The following SEMA6D variants were observed in gnomAD, a reference collection of about 807,000 sequenced individuals.
The protein encoded by SEMA6D is semaphorin 6D, also known as semaphorin-6D.
Under a neutral mutation model 106.6 loss-of-function variants are expected in SEMA6D, and 35 were observed. The ratio of observed to expected loss-of-function variants is 0.33; its 90% CI spans 0.25 to 0.44. SEMA6D has a LOEUF of 0.44. Ranked by LOEUF, SEMA6D falls within the 20% of genes least tolerant of loss-of-function variation. The pLI, the probability that SEMA6D is intolerant of heterozygous loss-of-function variation, is 1.00. For synonymous variants in SEMA6D, 499 were observed against 487.7 expected, an observed-to-expected ratio of 1.02 and a Z score of -0.31; for missense variants, 1,185 against 1,345.9, an observed-to-expected ratio of 0.88 and a Z score of 1.87.
At chr15:47,430,735 A>G (rs1567074385) in intron 2 of SEMA6D, among the ~76,000 whole-genome samples, 1 of 152,102 alleles carries the variant, frequency 6.6e-6, no homozygotes, top group Non-Finnish European at 1.5e-5. Context: ...GTAATGTCTC[A>G]AAGTCCAGGC....
intron 1 of SEMA6D, among the ~76,000 whole-genome samples, chr15:47,324,980 T>C (rs2037069488): frequency 6.6e-6 from 1 of 152,116 alleles, no homozygotes; most frequent in African/African-American, 2.4e-5. Flanking sequence ...CATGTATATA[T>C]TGGTATTTGA....
intron 9 of SEMA6D, 113 bp downstream of exon 9, chr15:47,763,217 A>T: frequency 1.4e-6 from 1 of 701,978 alleles, no homozygotes; most frequent in Non-Finnish European, 2.3e-6. Flanking sequence ...AATTCAGTAT[A>T]CATAGGGCCA....
chr15:47,227,429 C>CTTTCTTTCTTTCT (rs1555407178), intron 1 of SEMA6D, among the ~76,000 whole-genome samples: 4 of 145,614 alleles, frequency 2.7e-5, no homozygotes, highest in Admixed American at 6.9e-5. Context: ...CTCTTTCTTT[C>CTTTCTTTCTTTCT]TTTCTTTCTT....
At chr15:47,489,604 C>T (rs573137226) in intron 3 of SEMA6D, among the ~76,000 whole-genome samples, 99 of 152,176 alleles carry the variant, frequency 6.5e-4, no homozygotes, top group African/African-American at 2.4e-3. Flanking sequence ...CCTACAGTAC[C>T]TCACTTTCCT....
At chr15:47,714,073 T>G (rs1326066954), upstream of SEMA6D, among the ~76,000 whole-genome samples, 3 of 152,216 alleles carry the variant, frequency 2.0e-5, no homozygotes, top group African/African-American at 7.2e-5. Context: ...TCATCCCTGT[T>G]TTCCAGATGA....
chr15:47,752,686 G>A (rs1240534982), intron 1 of SEMA6D, among the ~76,000 whole-genome samples: 2 of 152,168 alleles, frequency 1.3e-5, no homozygotes, highest in African/African-American at 2.4e-5. Context: ...AGAAAAGAGT[G>A]AAGGGATTGG....
At chr15:47,229,769 A>G (rs1187650646) in intron 1 of SEMA6D, among the ~76,000 whole-genome samples, 2 of 152,214 alleles carry the variant, frequency 1.3e-5, no homozygotes, top group East Asian at 1.9e-4. Flanking sequence ...AAGTCTGACC[A>G]TCCTTTATTC....
intron 4 of SEMA6D, among the ~76,000 whole-genome samples, chr15:47,680,708 T>A (rs999910314): frequency 3.9e-5 from 6 of 152,116 alleles, no homozygotes; most frequent in African/African-American, 1.4e-4. Flanking sequence ...GGGGTTAGTA[T>A]CCAAAATATA....
chr15:47,551,947 T>C (rs747947006), intron 3 of SEMA6D, among the ~76,000 whole-genome samples: 2 of 152,098 alleles, frequency 1.3e-5, no homozygotes, highest in African/African-American at 4.8e-5. Context: ...AATTTGACCT[T>C]AGGTATCAAG....
chr15:47,452,572 A>G lies in SEMA6D; in HGVS notation c.-158-17902A>G, dbSNP rs188460078. ...AAACCTTTCTTTTATCATAAAAAAT[A>G]CTGACATTTTTAAGGAAAAAAATCT... On this transcript the variant is annotated intron_variant, in intron 2 of 19. Transcript: ENST00000558014. Among the ~76,000 whole-genome samples, 46 of 152,108 alleles carry G rather than the reference A, an allele frequency of 3.0e-4. No individual in the cohort carries two copies. The East Asian group carries it at 8.1e-3, about 27-fold the overall frequency.
intron 1 of SEMA6D, among the ~76,000 whole-genome samples, chr15:47,219,605 A>G (rs1234790153): frequency 6.6e-6 from 1 of 152,294 alleles, no homozygotes; most frequent in Admixed American, 6.5e-5. Context: ...TTCATTTTTC[A>G]AACATAAGAA....
chr15:47,771,222 A>G lies in SEMA6D; in HGVS notation c.2659A>G (p.Asn887Asp), dbSNP rs747751145. Residue 887 changes from asparagine to aspartate, a missense_variant, in exon 19 of 19, where the codon AAT becomes GAT. By Grantham distance (23) the Asn-to-Asp change is conservative (BLOSUM62 1). This residue lies in a region of SEMA6D where 750 missense variants were observed against 783.5 expected (regional missense o/e 0.96). Transcript: ENST00000536845. ...CCTCAATGATCTCCTGAAGCATCTGAATGACCCAAATAGTAACCCCAAAGC... is the reference window on the plus strand; with the variant it reads ...CCTCAATGATCTCCTGAAGCATCTGGATGACCCAAATAGTAACCCCAAAGC... ...NTLNDLLKHL[N>D]DPNSNPKAIM... The G allele has an allele frequency of 1.2e-6, 2 of 1,614,090 alleles. No individual in the cohort carries two copies. Among genetic ancestry groups the G allele is most frequent in the South Asian group, 2.2e-5 (2 of 91,072 alleles).
intron 1 of SEMA6D, among the ~76,000 whole-genome samples, chr15:47,388,047 G>C (rs1244481219): frequency 2.0e-5 from 3 of 152,026 alleles, no homozygotes; most frequent in Admixed American, 6.5e-5. Context: ...AGTTGTCCTA[G>C]GGCTCCCTGG....
At chr15:47,381,786 A>G (rs1189466798) in intron 1 of SEMA6D, among the ~76,000 whole-genome samples, 1 of 152,224 alleles carries the variant, frequency 6.6e-6, no homozygotes, top group African/African-American at 2.4e-5. Flanking sequence ...AACATTTTAT[A>G]TTGAACTTGT....
At chr15:47,742,281 C>A (rs1176851273) in intron 1 of SEMA6D, among the ~76,000 whole-genome samples, 1 of 141,798 alleles carries the variant, frequency 7.1e-6, no homozygotes, top group Non-Finnish European at 1.5e-5. Flanking sequence ...CACATTTTCT[C>A]ACTTGTCCCT....
rs143248605 is a variant in SEMA6D at position 47,207,984 on chromosome 15, GGCGC to G, written c.-239+23573_-239+23576del. Among the ~76,000 whole-genome samples the G allele has an allele frequency of 9.4e-4, 69 of 73,088 alleles. 1 individual carries two copies. The highest frequency in any genetic ancestry group is 5.1e-3 in the South Asian group (9 of 1,776). 47.9% of individuals were successfully genotyped at this position (73,088 alleles called of 152,430 possible). On this transcript the variant is annotated intron_variant, in intron 1 of 19. Coordinates refer to the SEMA6D transcript ENST00000558014. ...TGTGGAAACAGGTACAGTAGCCACT[GGCGC>G]GCGCGCACACACACACACACACACA...
At chr15:47,584,480 C>G (rs1013557383) in intron 3 of SEMA6D, among the ~76,000 whole-genome samples, 1 of 151,556 alleles carries the variant, frequency 6.6e-6, no homozygotes, top group Non-Finnish European at 1.5e-5. Flanking sequence ...TGGAAATTTG[C>G]GGAGGTCAGA....
chr15:47,463,550 G>C (rs529361698), intron 2 of SEMA6D, among the ~76,000 whole-genome samples: 2 of 152,156 alleles, frequency 1.3e-5, no homozygotes, highest in African/African-American at 4.8e-5. Flanking sequence ...ACATGTGTGC[G>C]TCATGGTAGG....
At chr15:47,702,012 G>A (rs1229078878) in intron 4 of SEMA6D, among the ~76,000 whole-genome samples, 1 of 152,112 alleles carries the variant, frequency 6.6e-6, no homozygotes, top group Non-Finnish European at 1.5e-5. Context: ...TCCTATACTC[G>A]ACATTTTTCT....
Sources: gnomAD v4.1 joint callset for allele counts (sites outside exome capture counted in the v4.1 genomes callset) on GRCh38, gnomAD v4.1.1 for gene constraint, gnomAD v4.1.1 regional missense constraint, MANE v1.5 for transcripts, NCBI Gene and HGNC (gene_info 2026-07-23, HGNC 2026-07-21) for gene names.